MPZL1: variants seen among roughly 807,000 people sequenced by gnomAD.
MPZL1 encodes myelin protein zero-like protein 1.
Under a neutral mutation model 29.3 loss-of-function variants are expected in MPZL1, and 16 were observed. The ratio of observed to expected loss-of-function variants is 0.55; its 90% CI spans 0.37 to 0.83. MPZL1 has a LOEUF of 0.83. Among genes scored for constraint, MPZL1 ranks in the 40% least tolerant of loss-of-function variants. The probability of loss-of-function intolerance (pLI) is 0.00; values close to 1 mark genes in which losing one functional copy is unlikely to be tolerated. For synonymous variants in MPZL1, 143 were observed against 132.0 expected (o/e 1.08, Z -0.57); for missense variants, 279 against 332.9 (o/e 0.84, Z 1.26).
intron 1 of MPZL1, among the ~76,000 whole-genome samples, chr1:167,722,797 TC>T (rs1171226953): frequency 1.3e-5 from 2 of 152,206 alleles, no homozygotes; most frequent in African/African-American, 4.8e-5. Flanking sequence ...GAGTCTCATT[TC>T]CGTGGTCTGC....
chr1:167,754,964 G>A (rs1277951683), intron 1 of MPZL1, among the ~76,000 whole-genome samples: 1 of 152,002 alleles, frequency 6.6e-6, no homozygotes, highest in East Asian at 1.9e-4. Context: ...TCCTATTATT[G>A]GTATCCCCCA....
Position 167,736,440 on chromosome 1 carries a change from G to A in MPZL1, c.91+14198G>A, listed in dbSNP as rs141753090. Among the ~76,000 whole-genome samples, 670 of 152,214 alleles carry A rather than the reference G, an allele frequency of 4.4e-3. 4 individuals are homozygous for A. Among genetic ancestry groups the A allele is most frequent in the African/African-American group, 0.013 (549 of 41,510 alleles). On this transcript the variant is annotated intron_variant, in intron 1 of 5. Transcript: ENST00000359523. ...CTGGACATACCCATTTGAATGTCCA[G>A]AGGCACCTCAAACTCTGTATGCTCA...
intron 1 of MPZL1, among the ~76,000 whole-genome samples, chr1:167,739,901 G>C (rs1022427242): frequency 6.6e-6 from 1 of 152,040 alleles, no homozygotes; most frequent in South Asian, 2.1e-4. Context: ...GTTTCACTAC[G>C]ACAGTTTCTG....
chr1:167,772,370 A>G lies in MPZL1; in HGVS notation c.354A>G (p.Ala118=), dbSNP rs768773474. 1 of 1,613,944 alleles carries G rather than the reference A, an allele frequency of 6.2e-7. No individual in the cohort carries two copies. Among genetic ancestry groups the G allele is most frequent in the Non-Finnish European group, 8.5e-7 (1 of 1,179,792 alleles). The change falls in exon 3 of 6, where the codon GCA becomes GCG. Residue 118 remains alanine, a synonymous_variant. Coordinates refer to ENST00000359523, the MANE Select transcript of MPZL1 (RefSeq NM_003953.6). ...CTGGAGACCTTGACAAGAAAGATGC[A>G]TCAATCAACATAGAAAATATGCAGT... ...SWAGDLDKKD[A]SINIENMQFI...
chr1:167,750,935 A>T (rs377672885), intron 1 of MPZL1, among the ~76,000 whole-genome samples: 4 of 152,232 alleles, frequency 2.6e-5, no homozygotes, highest in African/African-American at 9.6e-5. Context: ...AGCCAGTTAC[A>T]TAGTAGATTG....
chr1:167,741,484 C>T (rs1383685745), intron 1 of MPZL1, among the ~76,000 whole-genome samples: 2 of 151,708 alleles, frequency 1.3e-5, no homozygotes, highest in Non-Finnish European at 2.9e-5. Context: ...CGCCACCACG[C>T]CTGGCTAATT....
chr1:167,728,443 G>A (rs148818545), intron 1 of MPZL1, among the ~76,000 whole-genome samples: 3,297 of 146,618 alleles, frequency 0.022, 134 homozygotes, highest in African/African-American at 0.073. Context: ...CCTGACCTCA[G>A]GTGATCCACC....
chr1:167,775,525 G>C (rs1661347932), intron 4 of MPZL1, among the ~76,000 whole-genome samples: 1 of 152,134 alleles, frequency 6.6e-6, no homozygotes, highest in Non-Finnish European at 1.5e-5. Context: ...CTGAGTTTTT[G>C]GGGGGATTTG....
At chr1:167,724,777 TC>T (rs776191826) in intron 1 of MPZL1, among the ~76,000 whole-genome samples, 5 of 152,136 alleles carry the variant, frequency 3.3e-5, no homozygotes, top group Admixed American at 6.5e-5. Context: ...AGGAGAAAGT[TC>T]TGGTTGGAAA....
At chr1:167,768,765 A>G (rs945742564) in intron 2 of MPZL1, among the ~76,000 whole-genome samples, 3 of 152,198 alleles carry the variant, frequency 2.0e-5, no homozygotes, top group Admixed American at 1.3e-4. Context: ...CCCCCATTCA[A>G]TGAGGGAGCC....
At chr1:167,770,420 A>G (rs1250484572) in intron 2 of MPZL1, among the ~76,000 whole-genome samples, 1 of 152,232 alleles carries the variant, frequency 6.6e-6, no homozygotes, top group Non-Finnish European at 1.5e-5. Flanking sequence ...CTTTGAGAAG[A>G]CAGTTCCTTT....
At chr1:167,777,583 C>T (rs547228922) in intron 5 of MPZL1, among the ~76,000 whole-genome samples, 7 of 152,242 alleles carry the variant, frequency 4.6e-5, no homozygotes, top group African/African-American at 7.2e-5. Flanking sequence ...ATAGAGAGAG[C>T]GTGCTAGGAT....
At chr1:167,769,144 A>G (rs978592182) in intron 2 of MPZL1, among the ~76,000 whole-genome samples, 1 of 152,154 alleles carries the variant, frequency 6.6e-6, no homozygotes, top group African/African-American at 2.4e-5. Context: ...AGGTAGGCGA[A>G]TCTCACCTTG....
At chr1:167,755,329 A>C (rs1362340484) in intron 1 of MPZL1, among the ~76,000 whole-genome samples, 1 of 152,202 alleles carries the variant, frequency 6.6e-6, no homozygotes, top group East Asian at 1.9e-4. Flanking sequence ...TTTGGTTCAC[A>C]TATCTTCAAA....
At chr1:167,771,006 T>C (rs897340405) in intron 2 of MPZL1, among the ~76,000 whole-genome samples, 1 of 151,692 alleles carries the variant, frequency 6.6e-6, no homozygotes, top group Non-Finnish European at 1.5e-5. Context: ...GCATTTCTTT[T>C]TTTTTTTTTT....
intron 1 of MPZL1, among the ~76,000 whole-genome samples, chr1:167,756,154 C>T (rs1216843168): frequency 1.3e-5 from 2 of 151,856 alleles, no homozygotes; most frequent in Admixed American, 1.3e-4. Flanking sequence ...AGTAAAAGTA[C>T]ATGGATTTTT....
intron 1 of MPZL1, among the ~76,000 whole-genome samples, chr1:167,725,707 G>A (rs773454301): frequency 6.0e-4 from 92 of 152,098 alleles, no homozygotes; most frequent in Non-Finnish European, 8.2e-4. Flanking sequence ...GGCTGGTCTC[G>A]AACTCCTGAC....
chr1:167,754,865 T>C (rs1660835042), intron 1 of MPZL1, among the ~76,000 whole-genome samples: 1 of 152,192 alleles, frequency 6.6e-6, no homozygotes, highest in South Asian at 2.1e-4. Flanking sequence ...TTAGTATTCT[T>C]TTAAGAGTTA....
At chr1:167,755,018 A>G (rs1222216320) in intron 1 of MPZL1, among the ~76,000 whole-genome samples, 2 of 152,090 alleles carry the variant, frequency 1.3e-5, no homozygotes, top group African/African-American at 4.8e-5. Context: ...ACAGTAACAC[A>G]TCATTATCAC....
Sources: allele counts gnomAD v4.1 joint callset (sites outside exome capture counted in the v4.1 genomes callset), GRCh38; gene constraint gnomAD v4.1.1; transcripts MANE v1.5; gene names NCBI Gene and HGNC (gene_info 2026-07-23, HGNC 2026-07-21).